Variants in TENM1 observed in about 807,000 individuals in gnomAD.
TENM1 encodes teneurin transmembrane protein 1, also known as teneurin-1.
In TENM1, 35 loss-of-function variants were observed where a neutral mutation model predicts 174.8. The observed-to-expected ratio is 0.20, with a 90% CI of 0.15 to 0.27. The LOEUF (loss-of-function observed/expected upper bound fraction) is 0.27. TENM1 is among the 10% of genes least tolerant of loss of function. TENM1 has a pLI of 1.00. For synonymous variants in TENM1, 781 were observed against 798.7 expected, an observed-to-expected ratio of 0.98 and a Z score of 0.37; for missense variants, 1,633 against 2,130.1, an observed-to-expected ratio of 0.77 and a Z score of 4.59.
chrX:125,048,243 ATTTTT>A, the TENM1 span, among the ~76,000 whole-genome samples: 395 of 64,196 alleles, frequency 6.2e-3, no homozygotes, highest in Non-Finnish European at 6.5e-3. Flanking sequence ...GTTTCGAAGC[ATTTTT>A]TTTTTTTTTT....
At chrX:124,583,371 G>A (rs979376921) in intron 11 of TENM1, among the ~76,000 whole-genome samples, 1 of 111,595 alleles carries the variant, frequency 9.0e-6, no homozygotes, top group African/African-American at 3.3e-5. Flanking sequence ...CACCATTCAC[G>A]GTTCATGAAA....
chrX:125,160,544 C>CAAAAAAAAAAA, the TENM1 span, among the ~76,000 whole-genome samples: 3 of 28,997 alleles, frequency 1.0e-4, no homozygotes, highest in South Asian at 6.3e-3. Flanking sequence ...GACCCCGTCT[C>CAAAAAAAAAAA]AAAAAAAAAA....
At chrX:124,957,099 A>G (rs370411511) in intron 1 of TENM1, among the ~76,000 whole-genome samples, 8 of 111,996 alleles carry the variant, frequency 7.1e-5, no homozygotes, top group African/African-American at 2.3e-4. Context: ...ATTTATTTCA[A>G]GATTAACTTC....
At chrX:125,102,886 C>T in the TENM1 span, among the ~76,000 whole-genome samples, 3 of 111,746 alleles carry the variant, frequency 2.7e-5, no homozygotes, top group Non-Finnish European at 5.6e-5. Flanking sequence ...TCTCAGTACC[C>T]AGTCACCAAG....
chrX:124,412,372 TGA>T (rs989654810), intron 25 of TENM1, among the ~76,000 whole-genome samples: 1 of 112,829 alleles, frequency 8.9e-6, no homozygotes, highest in African/African-American at 3.2e-5. Flanking sequence ...TATTTACACA[TGA>T]TTAAAAATAT....
At chrX:125,007,987 A>T in the TENM1 span, among the ~76,000 whole-genome samples, 1 of 111,490 alleles carries the variant, frequency 9.0e-6, no homozygotes, top group Non-Finnish European at 1.9e-5. Flanking sequence ...TGTGCAAAAT[A>T]ACCAGCTAGC....
chrX:124,476,143 C>G (rs918054446), intron 22 of TENM1, among the ~76,000 whole-genome samples: 5 of 111,644 alleles, frequency 4.5e-5, no homozygotes, highest in African/African-American at 1.6e-4. Flanking sequence ...CATTCTATGT[C>G]TGTTTCTTTA....
At chrX:124,964,014 A>C (rs1223160705), upstream of TENM1, among the ~76,000 whole-genome samples, 1 of 112,231 alleles carries the variant, frequency 8.9e-6, no homozygotes, top group Non-Finnish European at 1.9e-5. Context: ...TTAAGGATTA[A>C]GCTGGAGGTT....
intron 25 of TENM1, among the ~76,000 whole-genome samples, chrX:124,411,053 C>T (rs1180196678): frequency 8.9e-6 from 1 of 112,184 alleles, no homozygotes; most frequent in African/African-American, 3.2e-5. Flanking sequence ...TCAAAATTCC[C>T]AATGAACCTT....
In TENM1 at chrX:124,485,025, T is replaced by C. The variant is rs761505409; in HGVS notation, c.3716+2184A>G. On this transcript the variant is annotated intron_variant, in intron 21 of 31. Coordinates refer to ENST00000422452, the Ensembl canonical transcript of TENM1. ...CATAAAAGAGTTCAGGCCTTGCTAC[T>C]TAGGCAAAATGGAGGGGAGAGGGTG... Among the ~76,000 whole-genome samples the C allele has an allele frequency of 2.7e-5, 3 of 111,199 alleles. No homozygotes were observed. The East Asian group carries it at 8.5e-4, about 31-fold the overall frequency.
At chrX:124,948,155 T>A (rs1164437838) in intron 1 of TENM1, among the ~76,000 whole-genome samples, 1 of 112,332 alleles carries the variant, frequency 8.9e-6, no homozygotes, top group Non-Finnish European at 1.9e-5. Flanking sequence ...TATGTAATGA[T>A]AGTAACTGAA....
intron 3 of TENM1, among the ~76,000 whole-genome samples, chrX:124,825,298 C>A (rs1462745409): frequency 9.6e-6 from 1 of 104,011 alleles, no homozygotes; most frequent in Non-Finnish European, 1.9e-5. Flanking sequence ...GGATTACAGG[C>A]GCCCAGCACC....
At position 124,565,520 on chromosome X, in the gene TENM1, T is replaced by C. The variant is rs371302100; in HGVS notation, c.2118A>G (p.Ser706=). Residue 706 remains serine, a synonymous_variant, in exon 12 of 32, where the codon TCA becomes TCG. Transcript: ENST00000422452. Reference sequence around the variant, plus strand: ...CTTCTTCACACTGGCAAATTCCTCTTGAGCAGACTCCATGGCTACCACACT... The same window carrying C: ...CTTCTTCACACTGGCAAATTCCTCTCGAGCAGACTCCATGGCTACCACACT... 1.2e-5 allele frequency: 14 copies of C among 1,208,059 alleles called. No homozygotes were observed. The African/African-American group carries it at 2.5e-4, about 21-fold the overall frequency.
the TENM1 span, among the ~76,000 whole-genome samples, chrX:124,971,986 G>T: frequency 9.0e-6 from 1 of 111,042 alleles, no homozygotes; most frequent in Non-Finnish European, 1.9e-5. Flanking sequence ...TGTAATCCCA[G>T]CACTTTGAGA....
At chrX:124,475,084 C>T (rs2061372794) in intron 22 of TENM1, among the ~76,000 whole-genome samples, 2 of 111,028 alleles carry the variant, frequency 1.8e-5, no homozygotes, top group Admixed American at 1.9e-4. Flanking sequence ...TGCTGTCTTA[C>T]CCAGAAGGAA....
the TENM1 span, among the ~76,000 whole-genome samples, chrX:124,988,777 G>C: frequency 9.0e-6 from 1 of 111,371 alleles, no homozygotes; most frequent in African/African-American, 3.2e-5. Context: ...TCACGTTATG[G>C]AGAGGATAAA....
chrX:124,934,782 C>T (rs1051944615), intron 1 of TENM1, among the ~76,000 whole-genome samples: 1 of 111,037 alleles, frequency 9.0e-6, no homozygotes. Flanking sequence ...ATTGGTTTGC[C>T]CAGTGGAAGA....
the TENM1 span, among the ~76,000 whole-genome samples, chrX:125,133,918 T>C: frequency 8.9e-6 from 1 of 111,975 alleles, no homozygotes; most frequent in Non-Finnish European, 1.9e-5. Context: ...CCTATTGCCC[T>C]TAGGGATGAA....
the TENM1 span, among the ~76,000 whole-genome samples, chrX:125,135,371 T>C: frequency 1.8e-5 from 2 of 111,865 alleles, no homozygotes; most frequent in Admixed American, 1.9e-4. Context: ...GCAGCAATGA[T>C]TGAAAGAAAT....
Sources: gnomAD v4.1 joint callset for allele counts (sites outside exome capture counted in the v4.1 genomes callset) on GRCh38, gnomAD v4.1.1 for gene constraint, MANE v1.5 for transcripts, NCBI Gene and HGNC (gene_info 2026-07-23, HGNC 2026-07-21) for gene names.